The following TBL1X variants were observed in gnomAD, a reference collection of about 807,000 sequenced individuals.
The protein encoded by TBL1X is transducin beta like 1 X-linked, also known as F-box-like/WD repeat-containing protein TBL1X.
TBL1X carries 10 observed loss-of-function variants against 50.7 expected under a neutral mutation model. That is an observed-to-expected ratio of 0.20 (90% CI 0.12 to 0.33). The LOEUF (loss-of-function observed/expected upper bound fraction) is 0.33, where lower values mean the gene tolerates loss of function less well. Ranked by LOEUF, TBL1X falls within the 10% of genes least tolerant of loss-of-function variation. TBL1X has a pLI of 1.00. For synonymous variants in TBL1X, 190 were observed against 214.7 expected, an observed-to-expected ratio of 0.88 and a Z score of 1.01; for missense variants, 340 against 504.4, an observed-to-expected ratio of 0.67 and a Z score of 3.12.
intron 2 of TBL1X, among the ~76,000 whole-genome samples, chrX:9,554,789 G>A (rs1220476386): frequency 2.7e-5 from 3 of 111,643 alleles, no homozygotes; most frequent in Non-Finnish European, 5.6e-5. Context: ...TATTGTAAAT[G>A]TACAGGTTCA....
intron 2 of TBL1X, among the ~76,000 whole-genome samples, chrX:9,558,284 G>A (rs1331132236): frequency 8.9e-6 from 1 of 112,124 alleles, no homozygotes; most frequent in African/African-American, 3.2e-5. Context: ...TCGGGAGGCC[G>A]AGGAGGGCAG....
At chrX:9,523,688 G>T (rs1428093213) in intron 2 of TBL1X, among the ~76,000 whole-genome samples, 3 of 112,298 alleles carry the variant, frequency 2.7e-5, no homozygotes, top group Non-Finnish European at 5.6e-5. Flanking sequence ...CAAACTCCTT[G>T]TGCCTGAGAC....
At chrX:9,567,063 C>G (rs532782194) in intron 2 of TBL1X, among the ~76,000 whole-genome samples, 1 of 111,738 alleles carries the variant, frequency 8.9e-6, no homozygotes, top group South Asian at 3.8e-4. Context: ...ATAGAACGGG[C>G]TGGGGAAGGG....
intron 5 of TBL1X, among the ~76,000 whole-genome samples, chrX:9,660,911 G>C (rs2082894483): frequency 8.9e-6 from 1 of 112,467 alleles, no homozygotes. Flanking sequence ...TGGTATTTGG[G>C]GGTGGGGCCT....
intron 2 of TBL1X, among the ~76,000 whole-genome samples, chrX:9,529,614 G>A (rs1347718174): frequency 9.1e-6 from 1 of 110,256 alleles, no homozygotes; most frequent in Non-Finnish European, 1.9e-5. Flanking sequence ...TAGACATGGG[G>A]GGTCATGAGG....
intron 2 of TBL1X, among the ~76,000 whole-genome samples, chrX:9,629,231 C>T (rs1383156819): frequency 8.8e-6 from 1 of 113,012 alleles, no homozygotes; most frequent in East Asian, 2.8e-4. Context: ...AACTGGCTTG[C>T]AGCCTGCTTT....
chrX:9,641,060 A>C (rs746020124), intron 3 of TBL1X, among the ~76,000 whole-genome samples: 69 of 112,386 alleles, frequency 6.1e-4, no homozygotes, highest in Non-Finnish European at 1.2e-3. Context: ...CAGACAAGTT[A>C]ATTATAATTG....
rs994063894 is a variant in TBL1X, at chrX:9,714,883, C to T, written c.1606-19C>T. 2.1e-5 allele frequency: 25 copies of T among 1,203,776 alleles called. No homozygotes were observed. The highest frequency in any genetic ancestry group is 2.7e-5 in the Non-Finnish European group (24 of 890,570). On this transcript the variant is annotated intron_variant, in intron 16 of 17. Transcript: ENST00000645353. ...CAGGCGCCCCTTGCGTTGTAAGTGACAGCTGCTTTGCTTTGCAGAGTGGAA... is the reference window on the plus strand; with the variant it reads ...CAGGCGCCCCTTGCGTTGTAAGTGATAGCTGCTTTGCTTTGCAGAGTGGAA...
chrX:9,687,832 G>A (rs931105396), intron 6 of TBL1X, among the ~76,000 whole-genome samples, 185 bp from the exon 7 acceptor site: 5 of 110,713 alleles, frequency 4.5e-5, no homozygotes, highest in African/African-American at 1.6e-4. Context: ...CCCCTTCCCT[G>A]CCCACCGTGG....
At chrX:9,576,695 T>TAAAAA (rs146596930) in intron 2 of TBL1X, among the ~76,000 whole-genome samples, 3 of 72,378 alleles carry the variant, frequency 4.1e-5, no homozygotes, top group Admixed American at 1.6e-4. Context: ...AGCACTACAT[T>TAAAAA]AAAAAAAAAA....
intron 2 of TBL1X, among the ~76,000 whole-genome samples, chrX:9,605,511 C>T (rs1384659326): frequency 1.8e-5 from 2 of 112,658 alleles, no homozygotes; most frequent in African/African-American, 6.5e-5. Flanking sequence ...ATAAATCAGA[C>T]AAGTTTAGGA....
chrX:9,478,026 G>C (rs1045561935), intron 1 of TBL1X, among the ~76,000 whole-genome samples: 117 of 111,950 alleles, frequency 1.0e-3, no homozygotes, highest in African/African-American at 3.6e-3. Flanking sequence ...GGGGAAAGGG[G>C]AAAGACGGCA....
chrX:9,630,028 A>C (rs2082712978), intron 2 of TBL1X, among the ~76,000 whole-genome samples: 1 of 110,613 alleles, frequency 9.0e-6, no homozygotes, highest in South Asian at 4.0e-4. Flanking sequence ...TATCTTCTGG[A>C]TAATTTAATA....
chrX:9,613,174 A>G (rs1033908361), intron 2 of TBL1X, among the ~76,000 whole-genome samples: 1 of 111,549 alleles, frequency 9.0e-6, no homozygotes, highest in Non-Finnish European at 1.9e-5. Flanking sequence ...AAAAAATGCT[A>G]TGGGTCAATA....
chrX:9,675,424 C>G (rs2082987472), intron 5 of TBL1X, among the ~76,000 whole-genome samples: 1 of 111,302 alleles, frequency 9.0e-6, no homozygotes, highest in Non-Finnish European at 1.9e-5. Flanking sequence ...AAAGATAAAA[C>G]TGGATGTAGT....
At chrX:9,491,144 T>C (rs181849362) in intron 1 of TBL1X, among the ~76,000 whole-genome samples, 3 of 105,294 alleles carry the variant, frequency 2.8e-5, no homozygotes, top group Non-Finnish European at 5.8e-5. Context: ...CATGCTCTGC[T>C]AGTTTTTAAA....
intron 13 of TBL1X, among the ~76,000 whole-genome samples, chrX:9,706,846 G>T (rs1020597233): frequency 4.5e-5 from 5 of 111,209 alleles, no homozygotes; most frequent in African/African-American, 1.3e-4. Context: ...TGCCTGGAAT[G>T]CTCCCTGCCT....
chrX:9,634,318 G>A lies in TBL1X; in HGVS notation c.-130-5955G>A, dbSNP rs186212638. Among the ~76,000 whole-genome samples the A allele has an allele frequency of 5.1e-3, 571 of 110,902 alleles. 3 individuals carry two copies. The highest frequency in any genetic ancestry group is 9.0e-3 in the Non-Finnish European group (475 of 52,961). ...GTGTCCGTTCCCTCTGTGTGAGAACGGGATAGTAACAGCGCTCCCTCACAC... is the reference window on the plus strand; with the variant it reads ...GTGTCCGTTCCCTCTGTGTGAGAACAGGATAGTAACAGCGCTCCCTCACAC... On this transcript the variant is annotated intron_variant, in intron 2 of 17. Coordinates refer to ENST00000645353, the MANE Select transcript of TBL1X (RefSeq NM_005647.4).
At chrX:9,665,539 A>ATATATAT (rs3043954) in intron 5 of TBL1X, among the ~76,000 whole-genome samples, 157 of 62,768 alleles carry the variant, frequency 2.5e-3, no homozygotes, top group Non-Finnish European at 2.8e-3. Flanking sequence ...ATATATATAT[A>ATATATAT]AAAGGCCTTG....
Sources: allele counts gnomAD v4.1 joint callset (sites outside exome capture counted in the v4.1 genomes callset), GRCh38; gene constraint gnomAD v4.1.1; transcripts MANE v1.5; gene names NCBI Gene and HGNC (gene_info 2026-07-23, HGNC 2026-07-21).